The following CCDC57 variants were observed in gnomAD, a reference collection of about 807,000 sequenced individuals.
The protein encoded by CCDC57 is coiled-coil domain-containing protein 57.
In CCDC57, 118 loss-of-function variants were observed where a neutral mutation model predicts 118.9. That is an observed-to-expected ratio of 0.99 (90% CI 0.86 to 1.16). CCDC57 has a LOEUF of 1.16. Ranked by LOEUF, CCDC57 falls within the 50% of genes most tolerant of loss-of-function variation. The probability of loss-of-function intolerance (pLI) is 0.00; values close to 1 mark genes in which losing one functional copy is unlikely to be tolerated. For synonymous variants in CCDC57, 527 were observed against 532.9 expected (o/e 0.99, Z 0.15); for missense variants, 1,300 against 1,320.7 (o/e 0.98, Z 0.24).
In CCDC57 at chr17:82,127,371, G is replaced by A. The variant is rs1157675734; in HGVS notation, c.2899+321C>T. On this transcript the variant is annotated intron_variant, in intron 19 of 19. Transcript: ENST00000665763. ...TGGGCTCCATTCTAAGTCAGCCTGC[G>A]CCCGGGTGTACAGTGCTCCATTCTA... 3.3e-5 allele frequency: 6 copies of A among 180,184 alleles called. No homozygotes were observed. The African/African-American group carries it at 4.1e-4, about 12-fold the overall frequency. 11.2% of individuals were successfully genotyped at this position (180,184 alleles called of 1,614,324 possible).
At chr17:82,144,285 G>A (rs928386565) in intron 16 of CCDC57, among the ~76,000 whole-genome samples, 2 of 152,058 alleles carry the variant, frequency 1.3e-5, no homozygotes, top group African/African-American at 4.8e-5. Context: ...GCCAGCCTGG[G>A]TGTCAGAGCG....
At chr17:82,210,326 T>G (rs2050078405) in intron 1 of CCDC57, among the ~76,000 whole-genome samples, 1 of 152,028 alleles carries the variant, frequency 6.6e-6, no homozygotes, top group African/African-American at 2.4e-5. Context: ...CATTAACAGT[T>G]ATTTTGGGGA....
At chr17:82,201,794 G>A (rs201139512) in exon 3 of CCDC57, 7 of 1,613,506 alleles carry the variant, frequency 4.3e-6, no homozygotes, top group South Asian at 2.2e-5. Context: ...TGCAGGCACC[G>A]CAGTTTCCCC....
chr17:82,151,133 C>T (rs1459816162), intron 16 of CCDC57, among the ~76,000 whole-genome samples: 11 of 132,684 alleles, frequency 8.3e-5, no homozygotes, highest in Admixed American at 3.1e-4. Flanking sequence ...AGGCGCACAC[C>T]CAGAACCTGA....
intron 7 of CCDC57, among the ~76,000 whole-genome samples, 192 bp downstream of exon 6, chr17:82,193,564 A>C (rs1219867550): frequency 2.0e-5 from 3 of 151,496 alleles, no homozygotes; most frequent in African/African-American, 4.8e-5. Context: ...AGCAAGCAAG[A>C]AAGCAAGAAA....
At chr17:82,160,873 C>CAAA (rs55750984) in intron 14 of CCDC57, among the ~76,000 whole-genome samples, 11 of 60,830 alleles carry the variant, frequency 1.8e-4, no homozygotes, top group East Asian at 4.8e-4. Context: ...GACTCTGTCT[C>CAAA]AAAAAAAAAA....
chr17:82,130,080 G>A lies in CCDC57; in HGVS notation c.2578-1483C>T, dbSNP rs140798045. Among the ~76,000 whole-genome samples, 637 of 151,776 alleles carry A rather than the reference G, an allele frequency of 4.2e-3. 3 individuals carry two copies. Among genetic ancestry groups the A allele is most frequent in the African/African-American group, 0.015 (605 of 41,388 alleles). ...GACAGGTGTGATGGCACACACCTGT[G>A]GTCTCAGCTACTACGGAGGCTGAGG... is the stretch of plus-strand genomic sequence containing the variant. On this transcript the variant is annotated intron_variant, in intron 17 of 19. Coordinates refer to ENST00000665763, the Ensembl canonical transcript of CCDC57.
intron 16 of CCDC57, among the ~76,000 whole-genome samples, chr17:82,150,745 T>C (rs1473696267): frequency 2.8e-5 from 2 of 70,202 alleles, no homozygotes; most frequent in African/African-American, 1.2e-4. Context: ...ACCCAGAACC[T>C]GACCCGCACC....
chr17:82,101,758 G>A, exon 20 of CCDC57: 1 of 1,609,814 alleles, frequency 6.2e-7, no homozygotes, highest in Non-Finnish European at 8.5e-7. Flanking sequence ...AGACCGGGAG[G>A]CTCCTGTGGT....
rs576383185 is a variant in CCDC57 at position 82,188,415 on chromosome 17, C to T, written c.856G>A (p.Glu286Lys). 8.1e-6 allele frequency: 13 copies of T among 1,610,236 alleles called. No homozygotes were observed. The African/African-American group carries it at 1.7e-4, about 21-fold the overall frequency. The change falls in exon 8 of 20, where the codon GAG becomes AAG. Residue 286 changes from glutamate to lysine, a missense_variant. By Grantham distance (56) the Glu-to-Lys change is moderately conservative. Transcript: ENST00000665763. Reference sequence around the variant, plus strand: ...TCCCTGGCCAGACGGTCGAGCTCCTCATGCCTGAAACACAGTGAGTGTCCC... The same window carrying T: ...TCCCTGGCCAGACGGTCGAGCTCCTTATGCCTGAAACACAGTGAGTGTCCC...
intron 9 of CCDC57, among the ~76,000 whole-genome samples, chr17:82,183,377 G>A (rs1423201489): frequency 1.3e-5 from 2 of 152,044 alleles, no homozygotes; most frequent in African/African-American, 4.8e-5. Context: ...CAGAGATGGG[G>A]TCTCACTATG....
Position 82,151,631 on chromosome 17 carries a change from C to T in CCDC57, c.2384G>A (p.Ser795Asn), listed in dbSNP as rs1314535844. 4 of 1,550,434 alleles carry T rather than the reference C, an allele frequency of 2.6e-6. No homozygotes were observed. In the South Asian group the frequency reaches 4.8e-5, roughly 18 times the overall value. ...GAGCTGCTCTTTCTCCAGGCGGAGGCTGATGATTTTTCTGGCTGCCTCCTT... is the reference window on the plus strand; with the variant it reads ...GAGCTGCTCTTTCTCCAGGCGGAGGTTGATGATTTTTCTGGCTGCCTCCTT... The change falls in exon 16 of 20, where the codon AGC becomes AAC. Residue 795 changes from serine to asparagine, a missense_variant. Coordinates refer to ENST00000665763, the Ensembl canonical transcript of CCDC57.
At chr17:82,193,115 G>C (rs1467146775) in intron 7 of CCDC57, among the ~76,000 whole-genome samples, 1 of 152,154 alleles carries the variant, frequency 6.6e-6, no homozygotes, top group African/African-American at 2.4e-5. Flanking sequence ...CTGGAGTACA[G>C]TGGCACAATC....
intron 8 of CCDC57, 99 bp from the exon 8 acceptor site, chr17:82,184,031 G>GCGCGCGCGCGCGCACGCA: frequency 1.6e-5 from 2 of 125,852 alleles, no homozygotes; most frequent in Non-Finnish European, 3.1e-5. Flanking sequence ...GCGCGCGCGC[G>GCGCGCGCGCGCGCACGCA]CACACACACA....
chr17:82,137,988 A>G (rs1414689057), intron 16 of CCDC57, among the ~76,000 whole-genome samples: 2 of 151,414 alleles, frequency 1.3e-5, no homozygotes, highest in African/African-American at 4.9e-5. Flanking sequence ...GACCTTTTAT[A>G]TTTAAAATGA....
At chr17:82,193,702 T>G in intron 7 of CCDC57, 54 bp downstream of exon 6, 1 of 1,503,620 alleles carries the variant, frequency 6.7e-7, no homozygotes, top group Non-Finnish European at 9.1e-7. Flanking sequence ...TCCACTTCCC[T>G]CCTCTCCTGG....
chr17:82,186,533 T>G (rs2046945084), intron 8 of CCDC57, among the ~76,000 whole-genome samples: 1 of 152,198 alleles, frequency 6.6e-6, no homozygotes, highest in Non-Finnish European at 1.5e-5. Flanking sequence ...TGAATCTGAC[T>G]GATCAAACAA....
At position 82,194,060 on chromosome 17, in the gene CCDC57, G is replaced by GCCTCTGC. The variant is rs761492137; in HGVS notation, c.691_697dup (p.Ala233GlyfsTer36). ...CTTCCTCTCCAGCTCGGCGTTGGTG[G>GCCTCTGC]CCTCTGCCCTCTGCAGACTCTCTGC... On this transcript the variant is annotated frameshift_variant, in exon 6 of 20. Coordinates refer to ENST00000665763, the Ensembl canonical transcript of CCDC57. LOFTEE classifies it high-confidence loss of function. 1.9e-6 allele frequency: 3 copies of GCCTCTGC among 1,613,846 alleles called. No individual in the cohort carries two copies. The South Asian group carries it at 3.3e-5, about 18-fold the overall frequency.
At chr17:82,191,834 T>C (rs1364868471) in intron 7 of CCDC57, among the ~76,000 whole-genome samples, 1 of 151,782 alleles carries the variant, frequency 6.6e-6, no homozygotes, top group Non-Finnish European at 1.5e-5. Context: ...ACCTGGCTAA[T>C]TTTTTGTATT....
Sources: gnomAD v4.1 joint callset for allele counts (sites outside exome capture counted in the v4.1 genomes callset) on GRCh38, gnomAD v4.1.1 for gene constraint, MANE v1.5 for transcripts, NCBI Gene and HGNC (gene_info 2026-07-23, HGNC 2026-07-21) for gene names.